The following NEMF variants were observed in gnomAD, a reference collection of about 807,000 sequenced individuals.
NEMF encodes ribosome quality control complex subunit NEMF.
NEMF carries 89 observed loss-of-function variants against 162.2 expected under a neutral mutation model. That is an observed-to-expected ratio of 0.55 (90% CI 0.46 to 0.65). The LOEUF is 0.65. Among genes scored for constraint, NEMF ranks in the 30% least tolerant of loss-of-function variants. The pLI, the probability that NEMF is intolerant of heterozygous loss-of-function variation, is 0.00. For synonymous variants in NEMF, 421 were observed against 404.5 expected (o/e 1.04, Z -0.49); for missense variants, 1,133 against 1,261.9 (o/e 0.90, Z 1.55).
intron 18 of NEMF, among the ~76,000 whole-genome samples, chr14:49,810,846 T>C (rs1042091751): frequency 2.6e-5 from 4 of 151,964 alleles, no homozygotes; most frequent in African/African-American, 9.7e-5. Flanking sequence ...CAAAAATAAG[T>C]TGGGCACAGT....
At position 49,829,204 on chromosome 14, in the gene NEMF, G is replaced by A. The variant is rs773872800; in HGVS notation, c.1082C>T (p.Ala361Val). 6.2e-7 allele frequency: 1 copy of A among 1,614,080 alleles called. No individual in the cohort carries two copies. The highest frequency in any genetic ancestry group is 1.7e-5 in the Admixed American group (1 of 60,020). The change falls in exon 13 of 33, where the codon GCC becomes GTC. Residue 361 changes from alanine (A) to valine (V), a missense_variant. Coordinates refer to ENST00000298310, the MANE Select transcript of NEMF (RefSeq NM_004713.6). ...IEMNLQIVDRAIQVVRSALAN... is the reference protein window; with the variant it reads ...IEMNLQIVDRVIQVVRSALAN... ...TAAAGCACTTCGAACTACCTGAATGGCTCTGTCAACTATTTGTAGGTTCAT... is the reference window on the plus strand; with the variant it reads ...TAAAGCACTTCGAACTACCTGAATGACTCTGTCAACTATTTGTAGGTTCAT...
rs759069254 is a variant in NEMF, at chr14:49,802,682, C to G, written c.1961G>C (p.Ser654Thr). The G allele has an allele frequency of 6.2e-7, 1 of 1,612,706 alleles. No individual in the cohort carries two copies. The highest frequency in any genetic ancestry group is 8.5e-7 in the Non-Finnish European group (1 of 1,179,416). ...GTTGAAGAGTACCTTAAAAAGGAAG[C>G]TAAACCCCATCATTAGATATGAGGG... ...LPPSYLMMGF[S>T]FLFKVDESCV... The change falls in exon 21 of 33, where the codon AGC (serine) becomes ACC (threonine). Residue 654 changes from serine to threonine, a missense_variant. Ser to Thr is a moderately conservative substitution (Grantham distance 58). Around this residue, in one of 3 missense-constraint regions of NEMF, gnomAD observed 532 missense variants for 578.6 expected, o/e 0.92. Transcript: ENST00000298310.
intron 18 of NEMF, among the ~76,000 whole-genome samples, chr14:49,812,525 T>C (rs924664696): frequency 3.9e-5 from 6 of 152,176 alleles, no homozygotes; most frequent in African/African-American, 1.2e-4. Context: ...TTTTTAAATA[T>C]AGGCATTTAT....
intron 18 of NEMF, among the ~76,000 whole-genome samples, chr14:49,807,083 T>C (rs1220864384): frequency 1.3e-5 from 2 of 152,202 alleles, no homozygotes; most frequent in African/African-American, 2.4e-5. Context: ...TACTAATCTA[T>C]TTTCTGTCTC....
intron 18 of NEMF, among the ~76,000 whole-genome samples, chr14:49,808,807 T>TA (rs965641527): frequency 6.6e-6 from 1 of 151,808 alleles, no homozygotes; most frequent in Non-Finnish European, 1.5e-5. Flanking sequence ...ATCTAAAATA[T>TA]AAAAAAACTC....
At chr14:49,822,042 T>A (rs1182201433) in intron 16 of NEMF, among the ~76,000 whole-genome samples, 1 of 152,058 alleles carries the variant, frequency 6.6e-6, no homozygotes, top group African/African-American at 2.4e-5. Context: ...ACATGTGCTG[T>A]GTCCACTCAG....
intron 11 of NEMF, among the ~76,000 whole-genome samples, chr14:49,829,771 C>G (rs887226332): frequency 1.3e-5 from 2 of 151,998 alleles, no homozygotes; most frequent in South Asian, 4.1e-4. Flanking sequence ...AGAACGAATT[C>G]TTTATTTTTT....
At chr14:49,824,479 G>T (rs1566685434) in intron 16 of NEMF, among the ~76,000 whole-genome samples, 1 of 138,504 alleles carries the variant, frequency 7.2e-6, no homozygotes. Context: ...GAAGGCAGAG[G>T]TTACAGTGAG....
Position 49,828,350 on chromosome 14 carries a change from A to G in NEMF, c.1429T>C (p.Tyr477His). The change falls in exon 15 of 33, where the codon TAT becomes CAT. Residue 477 changes from tyrosine to histidine, a missense_variant. Transcript: ENST00000298310. ...TTAGCAGCATATCTCTTGTGATCAT[A>G]ATACCTAGAAAAACATATTTCTCTT... Reference protein sequence around the residue: ...LSAYANAKKYYDHKRYAAKKT... With the variant: ...LSAYANAKKYHDHKRYAAKKT... 3 of 1,563,168 alleles carry G rather than the reference A, an allele frequency of 1.9e-6. 1 individual carries two copies. In the South Asian group the frequency reaches 3.5e-5, roughly 18 times the overall value.
chr14:49,795,788 T>G lies in NEMF; in HGVS notation c.2619+3A>C, dbSNP rs1890664416. 6.2e-7 allele frequency: 1 copy of G among 1,606,118 alleles called. No homozygotes were observed. Among genetic ancestry groups the G allele is most frequent in the East Asian group, 2.2e-5 (1 of 44,842 alleles). On this transcript the variant is annotated splice_donor_region_variant and intron_variant, in intron 26 of 32. Coordinates refer to ENST00000298310, the MANE Select transcript of NEMF (RefSeq NM_004713.6). ...GAACCATATAGATCATCCTGAAGTT[T>G]ACCTTTTGTCCTCGTTTCATTGGCT...
At chr14:49,805,227 TATA>T in intron 19 of NEMF, among the ~76,000 whole-genome samples, 1 of 151,674 alleles carries the variant, frequency 6.6e-6, no homozygotes, top group African/African-American at 2.4e-5. Context: ...TCTAAGGGAG[TATA>T]ATGAAACTGA....
At chr14:49,803,172 T>C in intron 20 of NEMF, 65 bp downstream of exon 20, 10 of 1,145,698 alleles carry the variant, frequency 8.7e-6, no homozygotes, top group Non-Finnish European at 1.3e-5. Context: ...ATTTGTAAAC[T>C]GTCTCAAACC....
chr14:49,782,931 G>A lies in NEMF; in HGVS notation c.*1705C>T. The A allele has an allele frequency of 1.2e-6, 2 of 1,613,332 alleles. No homozygotes were observed. The highest frequency in any genetic ancestry group is 1.7e-6 in the Non-Finnish European group (2 of 1,179,652). ...CACAGTGTTAATCAGAGGTTTGGTA[G>A]TAACAACACTTCTGGATCTTAAGGC... On this transcript the variant is annotated 3_prime_UTR_variant, in exon 33 of 33. Transcript: ENST00000298310.
intron 11 of NEMF, among the ~76,000 whole-genome samples, chr14:49,830,485 C>T (rs1053760539): frequency 2.0e-5 from 3 of 152,140 alleles, no homozygotes; most frequent in Non-Finnish European, 4.4e-5. Flanking sequence ...CCTCCGCCTC[C>T]CAGGGTCAAA....
At position 49,785,265 on chromosome 14, in the gene NEMF, A is replaced by G; in HGVS notation, c.2984T>C (p.Phe995Ser). 2 of 1,614,068 alleles carry G rather than the reference A, an allele frequency of 1.2e-6. No homozygotes were observed. The highest frequency in any genetic ancestry group is 2.7e-5 in the African/African-American group (2 of 75,060). The change falls in exon 30 of 33, where the codon TTT (phenylalanine) becomes TCT (serine). Residue 995 changes from phenylalanine (F) to serine (S), a missense_variant. Physicochemically the swap from Phe to Ser is radical, Grantham distance 155 (BLOSUM62 -2). Transcript: ENST00000298310. ...GTAAGGGGCACATATTGGAATGGCA[A>G]ACAGTAGTACATCTTCAGGATGTGG... ...GQPHPEDVLL[F>S]AIPICAPYTT...
At position 49,851,579 on chromosome 14, in the gene NEMF, G is replaced by C; in HGVS notation, c.215C>G (p.Ser72Cys). The part of the protein sequence containing the change: ...EFEWPKNMMP[S>C]SFAMKCRKHL... Reference sequence around the variant, plus strand: ...CAAGTTTACCTTCATGGCAAAACTAGACGGCATCATATTCTTAGGCCACTC... The same window carrying C: ...CAAGTTTACCTTCATGGCAAAACTACACGGCATCATATTCTTAGGCCACTC... The change falls in exon 3 of 33, where the codon TCT becomes TGT. Residue 72 changes from serine to cysteine, a missense_variant. Coordinates refer to ENST00000298310, the MANE Select transcript of NEMF (RefSeq NM_004713.6). 1 of 1,612,178 alleles carries C rather than the reference G, an allele frequency of 6.2e-7. No homozygotes were observed. Among genetic ancestry groups the C allele is most frequent in the Non-Finnish European group, 8.5e-7 (1 of 1,178,432 alleles).
intron 23 of NEMF, 129 bp downstream of exon 23, chr14:49,800,291 T>C (rs2139855841): frequency 1.3e-6 from 1 of 781,550 alleles, no homozygotes; most frequent in South Asian, 2.0e-5. Flanking sequence ...CCCAATCAAA[T>C]GTTGAAAAAG....
At chr14:49,814,939 G>C (rs554152937) in intron 16 of NEMF, 82 bp from the exon 17 acceptor site, 13 of 778,542 alleles carry the variant, frequency 1.7e-5, no homozygotes, top group Non-Finnish European at 2.5e-5. Context: ...AACAAAACAG[G>C]AAGCTATTTA....
intron 6 of NEMF, among the ~76,000 whole-genome samples, chr14:49,837,526 T>A (rs980378126): frequency 2.0e-5 from 3 of 152,012 alleles, no homozygotes; most frequent in Non-Finnish European, 2.9e-5. Context: ...AAAAGAAATT[T>A]GCATTTGCCA....
Sources: gnomAD v4.1 joint callset for allele counts (sites outside exome capture counted in the v4.1 genomes callset) on GRCh38, gnomAD v4.1.1 for gene constraint, gnomAD v4.1.1 regional missense constraint, MANE v1.5 for transcripts, NCBI Gene and HGNC (gene_info 2026-07-23, HGNC 2026-07-21) for gene names.